Variants in USH2A observed in about 807,000 individuals in gnomAD.
USH2A encodes usherin, also known as Usher syndrome 2A (autosomal recessive, mild).
In USH2A, 443 loss-of-function variants were observed where a neutral mutation model predicts 538.9. The observed-to-expected ratio is 0.82, with a 90% CI of 0.76 to 0.89. The LOEUF is 0.89. Ranked by LOEUF, USH2A falls within the 40% of genes least tolerant of loss-of-function variation. The probability of loss-of-function intolerance (pLI) is 0.00; values close to 1 mark genes in which losing one functional copy is unlikely to be tolerated. For synonymous variants in USH2A, 2,413 were observed against 2,273.5 expected, an observed-to-expected ratio of 1.06 and a Z score of -1.75; for missense variants, 6,633 against 6,324.8, an observed-to-expected ratio of 1.05 and a Z score of -1.65.
chr1:216,409,067 G>A (rs183191574), intron 3 of USH2A, among the ~76,000 whole-genome samples: 4 of 152,226 alleles, frequency 2.6e-5, no homozygotes, highest in Admixed American at 1.3e-4. Context: ...GTATACTAAT[G>A]GCTACACAGT....
At position 215,977,088 on chromosome 1, in the gene USH2A, C is replaced by T. The variant is rs7547908; in HGVS notation, c.6806-6312G>A. Among the ~76,000 whole-genome samples, 1,282 of 151,384 alleles carry T rather than the reference C, an allele frequency of 8.5e-3. 23 individuals carry two copies. Among genetic ancestry groups the T allele is most frequent in the African/African-American group, 0.029 (1,198 of 41,234 alleles). ...ACATCCTCAGAGACTATTATAAACA[C>T]CTCTATGTACACAAACTAGAAAATA... On this transcript the variant is annotated intron_variant, in intron 35 of 71. Coordinates refer to ENST00000307340, the MANE Select transcript of USH2A (RefSeq NM_206933.4).
In USH2A at chr1:216,073,351, T is replaced by C. The variant is rs2031630481; in HGVS notation, c.5573-51A>G. On this transcript the variant is annotated intron_variant, in intron 27 of 71. Transcript: ENST00000307340. ...CGCATAAAGGGCTTGAGTCATTAAT[T>C]ACCAATCATTTTTGTCCTCTGCAGC... The C allele has an allele frequency of 2.5e-6, 4 of 1,585,138 alleles. No homozygotes were observed. In the South Asian group the frequency reaches 3.4e-5, roughly 13 times the overall value.
chr1:216,175,011 C>T (rs2034345806), intron 21 of USH2A: 1 of 1,342,394 alleles, frequency 7.4e-7, no homozygotes, highest in Non-Finnish European at 9.6e-7. Context: ...ATACTTTGAT[C>T]CAATAAGGCT....
At chr1:215,784,140 G>C (rs1453066328) in intron 52 of USH2A, among the ~76,000 whole-genome samples, 3 of 152,006 alleles carry the variant, frequency 2.0e-5, no homozygotes, top group Non-Finnish European at 4.4e-5. Context: ...CTGGTCAGAG[G>C]CCTCCTGCTT....
intron 70 of USH2A, among the ~76,000 whole-genome samples, chr1:215,629,839 A>T (rs1370812174): frequency 7.0e-6 from 1 of 142,944 alleles, no homozygotes; most frequent in Admixed American, 7.2e-5. Context: ...GCAGTGGTGC[A>T]ATCTCGGCTC....
chr1:216,379,441 C>T (rs1351186221), intron 3 of USH2A, among the ~76,000 whole-genome samples: 1 of 151,874 alleles, frequency 6.6e-6, no homozygotes, highest in Non-Finnish European at 1.5e-5. Flanking sequence ...AACTGTAAAT[C>T]TCTTTCTCCA....
chr1:215,640,875 T>C, intron 67 of USH2A, 141 bp from the exon 68 acceptor site: 1 of 937,974 alleles, frequency 1.1e-6, no homozygotes, highest in Non-Finnish European at 1.6e-6. Flanking sequence ...AAACCAACAT[T>C]GCTAGAATCC....
chr1:215,930,736 A>T (rs1666343001), intron 38 of USH2A, among the ~76,000 whole-genome samples: 1 of 152,060 alleles, frequency 6.6e-6, no homozygotes, highest in Non-Finnish European at 1.5e-5. Context: ...GCTGAATTCC[A>T]TGCATACAAA....
In USH2A at chr1:215,779,910, CTGG is replaced by C. The variant is rs1167455690; in HGVS notation, c.10869_10871del (p.Tyr3623_Gln3624delinsTer). On this transcript the variant is annotated stop_gained and inframe_deletion, in exon 55 of 72. Coordinates refer to ENST00000307340, the MANE Select transcript of USH2A (RefSeq NM_206933.4). LOFTEE classifies it high-confidence loss of function. The stretch of plus-strand genomic sequence containing the variant: ...TGAGACCTTTCCCAACCTGCCTGAT[CTGG>C]TACTCTTTAATGACGCCGTTTGATT... 6 of 1,614,118 alleles carry C rather than the reference CTGG, an allele frequency of 3.7e-6. No individual in the cohort carries two copies. The highest frequency in any genetic ancestry group is 5.1e-6 in the Non-Finnish European group (6 of 1,180,040).
intron 34 of USH2A, among the ~76,000 whole-genome samples, chr1:215,997,784 T>A (rs375350351): frequency 6.6e-6 from 1 of 152,260 alleles, no homozygotes; most frequent in East Asian, 1.9e-4. Flanking sequence ...TTTGTATTTC[T>A]GTGTTAGCAT....
chr1:215,724,662 G>C (rs149036312), intron 61 of USH2A, among the ~76,000 whole-genome samples: 1 of 152,272 alleles, frequency 6.6e-6, no homozygotes. Context: ...CAGCAGAAAC[G>C]CAGCTGCAAG....
chr1:216,127,595 G>C (rs1361093967), intron 21 of USH2A, among the ~76,000 whole-genome samples: 1 of 152,088 alleles, frequency 6.6e-6, no homozygotes, highest in Non-Finnish European at 1.5e-5. Flanking sequence ...ATATCCATCT[G>C]TGCTGCATGC....
chr1:216,017,449 T>G (rs1668741798), intron 32 of USH2A, among the ~76,000 whole-genome samples: 1 of 152,366 alleles, frequency 6.6e-6, no homozygotes, highest in East Asian at 1.9e-4. Context: ...TGGCTAAATC[T>G]TTCTTGCAAA....
At chr1:215,921,847 G>A (rs1289385457) in intron 38 of USH2A, among the ~76,000 whole-genome samples, 1 of 152,044 alleles carries the variant, frequency 6.6e-6, no homozygotes, top group Non-Finnish European at 1.5e-5. Flanking sequence ...AATAAAATGA[G>A]TTAATATATG....
intron 38 of USH2A, among the ~76,000 whole-genome samples, chr1:215,928,007 A>G (rs995610551): frequency 2.0e-5 from 3 of 152,142 alleles, no homozygotes; most frequent in African/African-American, 7.2e-5. Context: ...TATAACTTTC[A>G]GGATTATTTT....
intron 11 of USH2A, among the ~76,000 whole-genome samples, chr1:216,253,418 G>A (rs955650039): frequency 2.6e-5 from 4 of 151,882 alleles, no homozygotes; most frequent in Admixed American, 6.6e-5. Flanking sequence ...TGTCCGCCTC[G>A]GCCTCCCAAA....
At chr1:216,137,047 A>T (rs2033499492) in intron 21 of USH2A, among the ~76,000 whole-genome samples, 1 of 152,206 alleles carries the variant, frequency 6.6e-6, no homozygotes, top group South Asian at 2.1e-4. Context: ...CTATTGGATG[A>T]ATAACCCCAT....
chr1:215,907,480 T>C (rs995162264), intron 38 of USH2A, among the ~76,000 whole-genome samples: 1 of 152,052 alleles, frequency 6.6e-6, no homozygotes, highest in Non-Finnish European at 1.5e-5. Flanking sequence ...TGTTAACTGA[T>C]TTGGATGTGT....
chr1:216,139,892 T>C (rs992329286), intron 21 of USH2A, among the ~76,000 whole-genome samples: 1 of 152,172 alleles, frequency 6.6e-6, no homozygotes, highest in Admixed American at 6.6e-5. Flanking sequence ...CTTTACAACA[T>C]ATATAGGAAT....
Sources: gnomAD v4.1 joint callset for allele counts (sites outside exome capture counted in the v4.1 genomes callset) on GRCh38, gnomAD v4.1.1 for gene constraint, MANE v1.5 for transcripts, NCBI Gene and HGNC (gene_info 2026-07-23, HGNC 2026-07-21) for gene names.